AP3B1: variants seen among roughly 807,000 people sequenced by gnomAD.
AP3B1 encodes the protein adaptor related protein complex 3 subunit beta 1.
AP3B1 carries 61 observed loss-of-function variants against 132.5 expected under a neutral mutation model. That is an observed-to-expected ratio of 0.46 (90% confidence interval 0.37 to 0.57). The LOEUF (loss-of-function observed/expected upper bound fraction) is 0.57, where lower values mean the gene tolerates loss of function less well. AP3B1 is among the 20% of genes least tolerant of loss of function. AP3B1 has a pLI of 0.00. For missense variants in AP3B1, 1,120 were observed against 1,289.4 expected, an observed-to-expected ratio of 0.87 and a Z score of 2.01; for synonymous variants, 388 against 438.3, an observed-to-expected ratio of 0.89 and a Z score of 1.43.
At chr5:78,063,865 A>ATAGTATC (rs1239787689) in intron 22 of AP3B1, among the ~76,000 whole-genome samples, 2 of 152,206 alleles carry the variant, frequency 1.3e-5, no homozygotes, top group Admixed American at 6.5e-5. Flanking sequence ...TACTGAGCTT[A>ATAGTATC]ATTTTTTTTA....
chr5:78,262,690 T>G (rs912945681), intron 2 of AP3B1, among the ~76,000 whole-genome samples: 10 of 151,902 alleles, frequency 6.6e-5, no homozygotes, highest in African/African-American at 2.4e-4. Context: ...GTTCTTTTTT[T>G]TTTTTTTGAG....
chr5:78,095,885 A>C (rs2112217392), intron 21 of AP3B1, among the ~76,000 whole-genome samples: 1 of 152,356 alleles, frequency 6.6e-6, no homozygotes, highest in East Asian at 1.9e-4. Context: ...ATTAAAAACA[A>C]AGAGAAACAC....
In AP3B1 at chr5:78,293,434, CTA is replaced by C. The variant is rs548495417; in HGVS notation, c.128+1016_128+1017del. On this transcript the variant is annotated intron_variant, in intron 1 of 26. Coordinates refer to ENST00000255194, the MANE Select transcript of AP3B1 (RefSeq NM_003664.5). ...AAAGGAAAAGATTGTATCTTACATG[CTA>C]TATATATGATTTTGATCCTCAATAC... is the stretch of plus-strand genomic sequence containing the variant. 2.9e-3 allele frequency among the ~76,000 whole-genome samples: 446 copies of C among 152,222 alleles called. 4 individuals carry two copies. The highest frequency in any genetic ancestry group is 0.01 in the African/African-American group (422 of 41,544).
At chr5:78,198,575 G>C (rs1745163667) in intron 7 of AP3B1, among the ~76,000 whole-genome samples, 1 of 152,064 alleles carries the variant, frequency 6.6e-6, no homozygotes, top group Non-Finnish European at 1.5e-5. Flanking sequence ...CCTCCCAAAA[G>C]CTAAAGTAAC....
At chr5:78,110,128 G>T in intron 20 of AP3B1, 79 bp downstream of exon 20, 1 of 1,239,350 alleles carries the variant, frequency 8.1e-7, no homozygotes, top group Non-Finnish European at 1.2e-6. Flanking sequence ...AATCACAGGA[G>T]TAGATGAGGA....
At chr5:78,120,263 G>A (rs1752107293) in intron 17 of AP3B1, among the ~76,000 whole-genome samples, 1 of 152,130 alleles carries the variant, frequency 6.6e-6, no homozygotes, top group Non-Finnish European at 1.5e-5. Flanking sequence ...GACCATCAAG[G>A]CTAGGAAGAA....
chr5:78,051,739 T>C (rs921769278), intron 22 of AP3B1, among the ~76,000 whole-genome samples: 1 of 152,198 alleles, frequency 6.6e-6, no homozygotes, highest in Non-Finnish European at 1.5e-5. Context: ...AAATGCTCTT[T>C]GTATCTAGTT....
chr5:78,239,057 A>C (rs1231457829), intron 3 of AP3B1, among the ~76,000 whole-genome samples: 1 of 151,994 alleles, frequency 6.6e-6, no homozygotes, highest in Non-Finnish European at 1.5e-5. Flanking sequence ...ATATTAACAA[A>C]AATAAAGGAT....
At chr5:78,268,476 A>T (rs1479143466) in intron 1 of AP3B1, among the ~76,000 whole-genome samples, 2 of 152,208 alleles carry the variant, frequency 1.3e-5, no homozygotes, top group Non-Finnish European at 2.9e-5. Flanking sequence ...CCAAAAAAGA[A>T]AACAATTTTC....
chr5:78,193,741 T>TATA lies in AP3B1; in HGVS notation c.787-12080_787-12079insTAT, dbSNP rs1312837013. Among the ~76,000 whole-genome samples, 3 of 51,946 alleles carry TATA rather than the reference T, an allele frequency of 5.8e-5. No individual in the cohort carries two copies. In the Admixed American group the frequency reaches 6.7e-4, roughly 12 times the overall value. The allele number at this position is 51,946 out of a possible 152,430, so 34.1% of individuals were successfully genotyped here. A position where few individuals can be genotyped will look rare whatever the true frequency, so the allele number is the denominator to read the frequency against. ...ATATTTTTAAATATTTGTATATATT[T>TATA]TTTTATATATATATATATATATATA... On this transcript the variant is annotated intron_variant, in intron 7 of 26. Coordinates refer to ENST00000255194, the MANE Select transcript of AP3B1 (RefSeq NM_003664.5).
chr5:78,156,491 T>C (rs1221342977), intron 13 of AP3B1, 124 bp from the exon 14 acceptor site: 1 of 753,184 alleles, frequency 1.3e-6, no homozygotes, highest in Non-Finnish European at 2.2e-6. Context: ...AAAGACTATG[T>C]GAAAGCATAA....
intron 24 of AP3B1, among the ~76,000 whole-genome samples, chr5:78,024,057 G>A (rs1747221441): frequency 6.6e-6 from 1 of 152,132 alleles, no homozygotes; most frequent in African/African-American, 2.4e-5. Flanking sequence ...CTAGAAAGGA[G>A]TAGGATACTT....
intron 16 of AP3B1, among the ~76,000 whole-genome samples, chr5:78,128,702 G>C (rs974294488): frequency 2.0e-5 from 3 of 152,034 alleles, no homozygotes; most frequent in Non-Finnish European, 4.4e-5. Flanking sequence ...TTTAAATATA[G>C]AGGGATACTT....
chr5:78,156,748 T>A (rs1184452211), intron 13 of AP3B1, among the ~76,000 whole-genome samples: 1 of 152,224 alleles, frequency 6.6e-6, no homozygotes, highest in Non-Finnish European at 1.5e-5. Context: ...GGAAATCAAT[T>A]ATCTACAATC....
intron 17 of AP3B1, chr5:78,121,868 C>T (rs946277982): frequency 1.3e-5 from 2 of 152,264 alleles, no homozygotes; most frequent in African/African-American, 4.8e-5. Context: ...ATCCTGATAC[C>T]AAAGCCTGGC....
chr5:78,123,229 A>G (rs1242519453), intron 17 of AP3B1, among the ~76,000 whole-genome samples: 1 of 152,262 alleles, frequency 6.6e-6, no homozygotes, highest in African/African-American at 2.4e-5. Flanking sequence ...TGTTAGATCT[A>G]AAACCATAAA....
Position 78,228,244 on chromosome 5 carries a change from T to A in AP3B1, c.280-5A>T, listed in dbSNP as rs200404590. 4 of 1,560,126 alleles carry A rather than the reference T, an allele frequency of 2.6e-6. No homozygotes were observed. Among genetic ancestry groups the A allele is most frequent in the Middle Eastern group, 1.7e-4 (1 of 5,908 alleles). ...AACATATACCAACTTCTTGATCTGT[T>A]AAAAAAAAATCATTTATTCATAACC... On this transcript the variant is annotated splice_polypyrimidine_tract_variant and splice_region_variant and intron_variant, in intron 3 of 26. Coordinates refer to ENST00000255194, the MANE Select transcript of AP3B1 (RefSeq NM_003664.5).
intron 14 of AP3B1, among the ~76,000 whole-genome samples, chr5:78,155,438 T>C (rs941765727): frequency 1.3e-5 from 2 of 152,158 alleles, no homozygotes; most frequent in African/African-American, 4.8e-5. Flanking sequence ...GATGGTGCTT[T>C]TTTGTGTGTA....
At chr5:78,244,569 T>C (rs915303877) in intron 2 of AP3B1, among the ~76,000 whole-genome samples, 6 of 152,126 alleles carry the variant, frequency 3.9e-5, no homozygotes, top group African/African-American at 1.4e-4. Flanking sequence ...CAGCTGAATA[T>C]ATGGGAATAA....
Sources: allele counts gnomAD v4.1 joint callset (sites outside exome capture counted in the v4.1 genomes callset), GRCh38; gene constraint gnomAD v4.1.1; transcripts MANE v1.5; gene names NCBI Gene and HGNC (gene_info 2026-07-23, HGNC 2026-07-21).